The following ARHGAP25 variants were observed in gnomAD, a reference collection of about 807,000 sequenced individuals.
ARHGAP25 encodes the protein Rho GTPase activating protein 25, also known as rho GTPase-activating protein 25.
Under a neutral mutation model 71.0 loss-of-function variants are expected in ARHGAP25, and 34 were observed. The observed-to-expected ratio is 0.48, with a 90% CI of 0.36 to 0.64. The LOEUF is 0.64. Ranked by LOEUF, ARHGAP25 falls within the 30% of genes least tolerant of loss-of-function variation. The pLI is 0.00. For missense variants in ARHGAP25, 706 were observed against 805.1 expected, an observed-to-expected ratio of 0.88 and a Z score of 1.49; for synonymous variants, 282 against 296.5, an observed-to-expected ratio of 0.95 and a Z score of 0.50.
rs555263460 is a variant in ARHGAP25, at chr2:68,784,095, G to A, written c.349+1775G>A. Among the ~76,000 whole-genome samples the A allele has an allele frequency of 1.0e-3, 153 of 152,112 alleles. No individual in the cohort carries two copies. The South Asian group carries it at 0.015, about 15-fold the overall frequency. ...GGTTTGTTCTCTCATTATCACTTAT[G>A]TTTGCAGCAGTCTCCTGGCCTGCTA... is the stretch of plus-strand genomic sequence containing the variant. On this transcript the variant is annotated intron_variant, in intron 3 of 10. Transcript: ENST00000409202.
At chr2:68,758,668 T>C (rs1558618154) in intron 1 of ARHGAP25, among the ~76,000 whole-genome samples, 1 of 151,836 alleles carries the variant, frequency 6.6e-6, no homozygotes, top group Non-Finnish European at 1.5e-5. Context: ...TGTTGGAGAC[T>C]TCAATACTCC....
chr2:68,717,699 A>G (rs1260857827), intron 2 of ARHGAP25, among the ~76,000 whole-genome samples: 1 of 152,160 alleles, frequency 6.6e-6, no homozygotes, highest in Non-Finnish European at 1.5e-5. Context: ...CTTTGTATAA[A>G]CACTATCCAT....
At chr2:68,818,495 T>C (rs1206562634) in intron 8 of ARHGAP25, among the ~76,000 whole-genome samples, 1 of 152,176 alleles carries the variant, frequency 6.6e-6, no homozygotes, top group Non-Finnish European at 1.5e-5. Context: ...ACCCAGATAA[T>C]TTTTGTAATT....
chr2:68,737,209 G>T (rs555345939), intron 1 of ARHGAP25, among the ~76,000 whole-genome samples: 1 of 152,170 alleles, frequency 6.6e-6, no homozygotes, highest in Non-Finnish European at 1.5e-5. Flanking sequence ...GTCCTCTGAT[G>T]GGGGAGAGCC....
chr2:68,711,817 C>G (rs559762708), intron 2 of ARHGAP25, among the ~76,000 whole-genome samples: 3 of 152,244 alleles, frequency 2.0e-5, no homozygotes, highest in Admixed American at 6.5e-5. Context: ...TGGTTTCCAG[C>G]TTCATCCATG....
intron 2 of ARHGAP25, among the ~76,000 whole-genome samples, chr2:68,778,902 G>T (rs1678117459): frequency 6.6e-6 from 1 of 152,130 alleles, no homozygotes; most frequent in Non-Finnish European, 1.5e-5. Flanking sequence ...TTTTTTCTTT[G>T]AGTTCTCAGA....
intron 1 of ARHGAP25, among the ~76,000 whole-genome samples, chr2:68,751,552 G>A (rs1436076001): frequency 6.6e-6 from 1 of 152,152 alleles, no homozygotes; most frequent in Non-Finnish European, 1.5e-5. Flanking sequence ...ACTTCAGAAT[G>A]GCTTACAATT....
intron 1 of ARHGAP25, among the ~76,000 whole-genome samples, chr2:68,764,035 A>G (rs939038438): frequency 1.3e-5 from 2 of 152,154 alleles, no homozygotes; most frequent in African/African-American, 2.4e-5. Flanking sequence ...TTTGCAATCA[A>G]TCCCTGCTCT....
chr2:68,742,353 A>G (rs1675563863), intron 1 of ARHGAP25, among the ~76,000 whole-genome samples: 1 of 152,230 alleles, frequency 6.6e-6, no homozygotes, highest in East Asian at 1.9e-4. Context: ...TTTTCTGACA[A>G]AGTGTAAACT....
chr2:68,790,002 A>G (rs555910727), intron 4 of ARHGAP25, among the ~76,000 whole-genome samples: 126 of 152,124 alleles, frequency 8.3e-4, no homozygotes, highest in African/African-American at 2.9e-3. Flanking sequence ...TATTATTATT[A>G]TTTTGAGATG....
intron 5 of ARHGAP25, among the ~76,000 whole-genome samples, chr2:68,810,310 G>T (rs1482358971): frequency 6.6e-6 from 1 of 152,180 alleles, no homozygotes; most frequent in African/African-American, 2.4e-5. Context: ...GTTCCATGGT[G>T]TTAAGTGCTA....
chr2:68,795,309 T>C (rs1043250530), intron 4 of ARHGAP25, among the ~76,000 whole-genome samples: 16 of 152,100 alleles, frequency 1.1e-4, no homozygotes, highest in African/African-American at 3.9e-4. Context: ...CTTCTGCTTA[T>C]TTTGAGTTTG....
Position 68,803,460 on chromosome 2 carries a change from G to A in ARHGAP25, c.467-3813G>A, listed in dbSNP as rs141985465. 2.3e-4 allele frequency among the ~76,000 whole-genome samples: 35 copies of A among 152,192 alleles called. 1 individual carries two copies. The East Asian group carries it at 6.8e-3, about 29-fold the overall frequency. On this transcript the variant is annotated intron_variant, in intron 4 of 10. Coordinates refer to ENST00000409202, the MANE Select transcript of ARHGAP25 (RefSeq NM_001007231.3). Reference sequence around the variant, plus strand: ...AGTAGTGAGTGATAAGTGAGGAAGTGGGGCAGACATCTCTCTAGAAGTAGA... The same window carrying A: ...AGTAGTGAGTGATAAGTGAGGAAGTAGGGCAGACATCTCTCTAGAAGTAGA...
chr2:68,810,709 C>A (rs969902653), intron 5 of ARHGAP25, among the ~76,000 whole-genome samples: 1 of 146,416 alleles, frequency 6.8e-6, no homozygotes, highest in African/African-American at 2.5e-5. Context: ...TTCAAAAGAT[C>A]CAATTTCTTT....
Position 68,756,958 on chromosome 2 carries a change from AAG to A in ARHGAP25, c.62-18259_62-18258del, listed in dbSNP as rs539464943. Among the ~76,000 whole-genome samples the A allele has an allele frequency of 1.8e-3, 272 of 152,286 alleles. 1 individual carries two copies. Among genetic ancestry groups the A allele is most frequent in the African/African-American group, 6.2e-3 (257 of 41,576 alleles). On this transcript the variant is annotated intron_variant, in intron 1 of 10. Transcript: ENST00000409202. ...TATGCATTAAATGAAAATATCAAAAAAGAGATAGAAAACATAAGAAAGAAACT... is the reference window on the plus strand; with the variant it reads ...TATGCATTAAATGAAAATATCAAAAAAGATAGAAAACATAAGAAAGAAACT...
intron 3 of ARHGAP25, among the ~76,000 whole-genome samples, chr2:68,784,160 GCTCTCTCTCTCTCTTTCT>G (rs1383186064): frequency 6.7e-6 from 1 of 149,354 alleles, no homozygotes; most frequent in African/African-American, 2.5e-5. Context: ...TCTCTCTTTC[GCTCTCTCTCTCTCTTTCT>G]CTCTCTCTCT....
intron 2 of ARHGAP25, among the ~76,000 whole-genome samples, chr2:68,779,130 C>T (rs1033175877): frequency 6.6e-6 from 1 of 152,156 alleles, no homozygotes; most frequent in African/African-American, 2.4e-5. Context: ...GAGGCATCGC[C>T]ACAAGTGGTT....
At chr2:68,712,870 A>G in intron 2 of ARHGAP25, among the ~76,000 whole-genome samples, 1 of 151,994 alleles carries the variant, frequency 6.6e-6, no homozygotes, top group East Asian at 1.9e-4. Flanking sequence ...TCGTCTATAT[A>G]TCTGTTTTGG....
At chr2:68,734,285 A>G (rs897884458), upstream of ARHGAP25, among the ~76,000 whole-genome samples, 4 of 152,302 alleles carry the variant, frequency 2.6e-5, no homozygotes, top group South Asian at 8.3e-4. Context: ...CACACCATGT[A>G]TACAGCCCAC....
Sources: allele counts gnomAD v4.1 joint callset (sites outside exome capture counted in the v4.1 genomes callset), GRCh38; gene constraint gnomAD v4.1.1; transcripts MANE v1.5; gene names NCBI Gene and HGNC (gene_info 2026-07-23, HGNC 2026-07-21).